XPR1: variants seen among roughly 807,000 people sequenced by gnomAD.
XPR1 encodes the protein xenotropic and polytropic retrovirus receptor 1, also known as solute carrier family 53 member 1.
A neutral mutation model predicts 87.5 loss-of-function variants in XPR1; 28 were observed. The observed-to-expected ratio is 0.32, with a 90% CI of 0.24 to 0.44. XPR1 has a LOEUF of 0.44. XPR1 is among the 20% of genes least tolerant of loss of function. XPR1 has a pLI of 1.00. For synonymous variants in XPR1, 300 were observed against 306.1 expected, an observed-to-expected ratio of 0.98 and a Z score of 0.21; for missense variants, 559 against 862.3, an observed-to-expected ratio of 0.65 and a Z score of 4.41.
chr1:180,743,509 T>C (rs1402976677), intron 2 of XPR1, among the ~76,000 whole-genome samples: 1 of 152,144 alleles, frequency 6.6e-6, no homozygotes, highest in East Asian at 1.9e-4. Flanking sequence ...TTGCTTTCAG[T>C]TGACAAAGAT....
intron 1 of XPR1, among the ~76,000 whole-genome samples, chr1:180,663,833 G>A (rs763825482): frequency 3.0e-4 from 45 of 152,178 alleles, no homozygotes; most frequent in Admixed American, 2.1e-3. Context: ...TTTCTACCTC[G>A]GCTGAGCAGG....
At chr1:180,665,641 G>A (rs1655929344) in intron 1 of XPR1, among the ~76,000 whole-genome samples, 1 of 152,136 alleles carries the variant, frequency 6.6e-6, no homozygotes, top group South Asian at 2.1e-4. Flanking sequence ...GGCAGCACTG[G>A]GTTCCAATGT....
At chr1:180,686,056 C>G (rs555580212) in intron 2 of XPR1, among the ~76,000 whole-genome samples, 1 of 152,202 alleles carries the variant, frequency 6.6e-6, no homozygotes, top group African/African-American at 2.4e-5. Flanking sequence ...TCTTGCTTTT[C>G]TAGTTCTTTT....
chr1:180,823,924 A>G (rs1262818147), intron 7 of XPR1, among the ~76,000 whole-genome samples: 1 of 152,262 alleles, frequency 6.6e-6, no homozygotes, highest in Non-Finnish European at 1.5e-5. Context: ...TGCTTAGCAC[A>G]TAGTAAGCAT....
At chr1:180,772,007 A>T (rs1007944558) in intron 2 of XPR1, among the ~76,000 whole-genome samples, 10 of 152,178 alleles carry the variant, frequency 6.6e-5, no homozygotes, top group Non-Finnish European at 1.5e-4. Context: ...GTATTTGCCT[A>T]GTGGTAATTC....
chr1:180,664,785 A>G (rs1392722247), intron 1 of XPR1, among the ~76,000 whole-genome samples: 7 of 152,144 alleles, frequency 4.6e-5, no homozygotes, highest in Admixed American at 4.6e-4. Context: ...GGCTGGTTTC[A>G]TGGAAGTCAG....
intron 1 of XPR1, among the ~76,000 whole-genome samples, chr1:180,646,516 C>A (rs1412554356): frequency 2.6e-5 from 4 of 152,080 alleles, no homozygotes; most frequent in Non-Finnish European, 5.9e-5. Flanking sequence ...ATATACAAAG[C>A]TGGCTTGGAG....
At chr1:180,645,794 T>C (rs2101899224) in intron 1 of XPR1, among the ~76,000 whole-genome samples, 1 of 152,346 alleles carries the variant, frequency 6.6e-6, no homozygotes, top group East Asian at 1.9e-4. Flanking sequence ...AGCCAGCATT[T>C]CTCTGTGGAT....
intron 2 of XPR1, among the ~76,000 whole-genome samples, chr1:180,783,364 T>G (rs1649014780): frequency 6.6e-6 from 1 of 152,124 alleles, no homozygotes; most frequent in African/African-American, 2.4e-5. Context: ...TTCTTCCAGT[T>G]AATAATATCC....
At chr1:180,834,011 T>C (rs1425305424) in intron 9 of XPR1, among the ~76,000 whole-genome samples, 1 of 152,002 alleles carries the variant, frequency 6.6e-6, no homozygotes, top group Non-Finnish European at 1.5e-5. Context: ...AATACAAATA[T>C]CAAGGAGTAG....
intron 2 of XPR1, among the ~76,000 whole-genome samples, chr1:180,740,723 A>T (rs147030987): frequency 6.6e-6 from 1 of 152,322 alleles, no homozygotes; most frequent in Admixed American, 6.5e-5. Flanking sequence ...GACTGCTATG[A>T]CAGAATGCCA....
intron 11 of XPR1, among the ~76,000 whole-genome samples, chr1:180,853,518 T>C (rs780208696): frequency 4.6e-5 from 7 of 152,120 alleles, no homozygotes; most frequent in Non-Finnish European, 8.8e-5. Flanking sequence ...AGTTTTGACA[T>C]CTTTGATTGT....
chr1:180,724,789 T>A (rs556633493), intron 2 of XPR1, among the ~76,000 whole-genome samples: 225 of 152,298 alleles, frequency 1.5e-3, no homozygotes, highest in African/African-American at 5.2e-3. Flanking sequence ...TATTGAGAGG[T>A]AATATCTGCT....
At chr1:180,658,698 G>T (rs1655624893) in intron 1 of XPR1, among the ~76,000 whole-genome samples, 1 of 151,784 alleles carries the variant, frequency 6.6e-6, no homozygotes, top group Non-Finnish European at 1.5e-5. Context: ...CCGAGAAGCT[G>T]GGACTACAGG....
intron 2 of XPR1, among the ~76,000 whole-genome samples, chr1:180,785,831 ATAAT>A (rs1280206212): frequency 4.0e-5 from 6 of 151,814 alleles, no homozygotes; most frequent in Non-Finnish European, 8.8e-5. Context: ...AAATAATTAG[ATAAT>A]TAAGTAGAAT....
Position 180,887,351 on chromosome 1 carries a change from T to C in XPR1, c.*3285T>C, listed in dbSNP as rs185156242. On this transcript the variant is annotated 3_prime_UTR_variant, in exon 15 of 15. Transcript: ENST00000367590. Reference sequence around the variant, plus strand: ...GGAATGAAGAGGAAGTCTAAATAAATGAATAAAACTCATTTTTCATTTTAT... The same window carrying C: ...GGAATGAAGAGGAAGTCTAAATAAACGAATAAAACTCATTTTTCATTTTAT... 6.6e-6 allele frequency: 1 copy of C among 152,350 alleles called. No homozygotes were observed. The highest frequency in any genetic ancestry group is 2.4e-5 in the African/African-American group (1 of 41,586). The allele number at this position is 152,350 out of a possible 1,614,324, so 9.4% of individuals were successfully genotyped here.
chr1:180,837,479 T>C (rs1651338377), intron 11 of XPR1, among the ~76,000 whole-genome samples: 1 of 152,214 alleles, frequency 6.6e-6, no homozygotes, highest in Non-Finnish European at 1.5e-5. Flanking sequence ...GATTTTTTTT[T>C]CTTAATTGAG....
At chr1:180,687,309 A>G (rs1368260871) in intron 2 of XPR1, among the ~76,000 whole-genome samples, 2 of 152,168 alleles carry the variant, frequency 1.3e-5, no homozygotes, top group Non-Finnish European at 2.9e-5. Context: ...GAAAAACTGA[A>G]TTTTGTGAAA....
chr1:180,877,172 G>A (rs1179634113), intron 13 of XPR1, among the ~76,000 whole-genome samples: 4 of 152,096 alleles, frequency 2.6e-5, no homozygotes, highest in East Asian at 1.9e-4. Flanking sequence ...TGAGAAAATC[G>A]ACAAGCCAGT....
Sources: allele counts gnomAD v4.1 joint callset (sites outside exome capture counted in the v4.1 genomes callset), GRCh38; gene constraint gnomAD v4.1.1; transcripts MANE v1.5; gene names NCBI Gene and HGNC (gene_info 2026-07-23, HGNC 2026-07-21).